PRKAR1B: variants seen among roughly 807,000 people sequenced by gnomAD.
The protein encoded by PRKAR1B is protein kinase cAMP-dependent type I regulatory subunit beta, also known as cAMP-dependent protein kinase type I-beta regulatory subunit.
Under a neutral mutation model 46.5 loss-of-function variants are expected in PRKAR1B, and 22 were observed. The ratio of observed to expected loss-of-function variants is 0.47; its 90% CI spans 0.34 to 0.68. PRKAR1B has a LOEUF of 0.68. Among genes scored for constraint, PRKAR1B ranks in the 30% least tolerant of loss-of-function variants. The probability of loss-of-function intolerance (pLI) is 0.01; values close to 1 mark genes in which losing one functional copy is unlikely to be tolerated. For missense variants in PRKAR1B, 445 were observed against 535.6 expected, an observed-to-expected ratio of 0.83 and a Z score of 1.67; for synonymous variants, 259 against 217.7, an observed-to-expected ratio of 1.19 and a Z score of -1.67.
intron 5 of PRKAR1B, 73 bp from the exon 6 acceptor site, chr7:606,312 G>A (rs1562557472): frequency 1.3e-5 from 19 of 1,454,332 alleles, no homozygotes; most frequent in Admixed American, 1.7e-5. Context: ...TCTTGCAAAC[G>A]ACTTTCGCAA....
chr7:568,728 G>T (rs1562525341), intron 9 of PRKAR1B, among the ~76,000 whole-genome samples: 1 of 152,224 alleles, frequency 6.6e-6, no homozygotes, highest in Non-Finnish European at 1.5e-5. Flanking sequence ...GATGTTCCCA[G>T]CCAAAACATC....
intron 4 of PRKAR1B, among the ~76,000 whole-genome samples, chr7:668,076 G>A (rs559562857): frequency 6.6e-6 from 1 of 152,010 alleles, no homozygotes; most frequent in Non-Finnish European, 1.5e-5. Context: ...TATCTGTCTT[G>A]AACCTGAACT....
intron 4 of PRKAR1B, among the ~76,000 whole-genome samples, chr7:662,605 C>T (rs1785668315): frequency 6.7e-6 from 1 of 150,182 alleles, no homozygotes; most frequent in Non-Finnish European, 1.5e-5. Flanking sequence ...CACAAGTCCC[C>T]ACCCCAACAG....
Position 685,398 on chromosome 7 carries a change from A to ATG in PRKAR1B, c.178-4673_178-4672insCA, listed in dbSNP as rs1554303304. 1.8e-3 allele frequency among the ~76,000 whole-genome samples: 219 copies of ATG among 124,426 alleles called. 31 individuals are homozygous for ATG. The highest frequency in any genetic ancestry group is 7.0e-3 in the African/African-American group (212 of 30,126). The allele number at this position is 124,426 out of a possible 152,430, so 81.6% of individuals were successfully genotyped here. A position where few individuals can be genotyped will look rare whatever the true frequency, so the allele number is the denominator to read the frequency against. On this transcript the variant is annotated intron_variant, in intron 2 of 10. Transcript: ENST00000537384. ...TATATATACATACATATATATATAT[A>ATG]TATGTATATATATACCAAAAACATT...
In PRKAR1B at chr7:560,103, C is replaced by A. The variant is rs1019840478; in HGVS notation, c.892-8633G>T. ...TCTTGAGTTGTAGCTCCCATAATCC[C>A]CACGTGTTGTGGGAGGGACCCAGGG... On this transcript the variant is annotated intron_variant, in intron 9 of 10. Transcript: ENST00000537384. The surrounding 1 kb of genome is among the most constrained non-coding windows in gnomAD (Gnocchi z 4.2). Among the ~76,000 whole-genome samples, 2 of 152,116 alleles carry A rather than the reference C, an allele frequency of 1.3e-5. No individual in the cohort carries two copies. Among genetic ancestry groups the A allele is most frequent in the African/African-American group, 4.8e-5 (2 of 41,392 alleles).
chr7:695,671 GT>G (rs1253366619), intron 2 of PRKAR1B, among the ~76,000 whole-genome samples: 4 of 147,172 alleles, frequency 2.7e-5, no homozygotes, highest in Non-Finnish European at 6.0e-5. Flanking sequence ...TTTGTTTTTT[GT>G]TTTTTTTTTG....
At chr7:617,706 T>C (rs1782906306) in intron 4 of PRKAR1B, among the ~76,000 whole-genome samples, 1 of 152,114 alleles carries the variant, frequency 6.6e-6, no homozygotes, top group African/African-American at 2.4e-5. Context: ...GTTTCCCCCG[T>C]CCTGGCAGGA....
At chr7:637,980 A>G (rs1784211360) in intron 4 of PRKAR1B, among the ~76,000 whole-genome samples, 2 of 152,220 alleles carry the variant, frequency 1.3e-5, no homozygotes. Flanking sequence ...AGTGCATGAC[A>G]TAGAGGAGTG....
At chr7:665,290 C>CA (rs1785841760) in intron 4 of PRKAR1B, among the ~76,000 whole-genome samples, 1 of 152,328 alleles carries the variant, frequency 6.6e-6, no homozygotes, top group African/African-American at 2.4e-5. Flanking sequence ...CAAGCAGCCA[C>CA]ATCCCAGCCA....
At chr7:616,866 C>T (rs906909559) in intron 4 of PRKAR1B, among the ~76,000 whole-genome samples, 3 of 152,160 alleles carry the variant, frequency 2.0e-5, no homozygotes, top group Non-Finnish European at 4.4e-5. Context: ...TGGGGTGAAG[C>T]GCCTCGGGCC....
chr7:679,249 T>C (rs1778520166), intron 3 of PRKAR1B, among the ~76,000 whole-genome samples: 1 of 152,088 alleles, frequency 6.6e-6, no homozygotes, highest in South Asian at 2.1e-4. Context: ...TGACAGACAC[T>C]GAGCTCCACA....
At chr7:595,083 T>A (rs1781195359) in intron 7 of PRKAR1B, among the ~76,000 whole-genome samples, 1 of 152,158 alleles carries the variant, frequency 6.6e-6, no homozygotes, top group Non-Finnish European at 1.5e-5. Context: ...ACAGGGTGCT[T>A]CCTGCAGAAG....
In PRKAR1B at chr7:711,542, C is replaced by T. The variant is rs957925036; in HGVS notation, c.-22-15G>A. On this transcript the variant is annotated splice_polypyrimidine_tract_variant and intron_variant, in intron 1 of 10. Transcript: ENST00000537384. ...CTGCTTCCTTCCTGTCCAGAAAACA[C>T]ACAGATCCCCAGGCCTGAGAGCTGC... The T allele has an allele frequency of 8.1e-6, 13 of 1,605,392 alleles. No homozygotes were observed. The Admixed American group carries it at 1.7e-4, about 21-fold the overall frequency.
In PRKAR1B at chr7:557,675, C is replaced by G. The variant is rs546171112; in HGVS notation, c.892-6205G>C. ...GCAACCACCACGTACCCTCAGTTTC[C>G]GGGAGGCCCAGCTTGAGACGCACCA... On this transcript the variant is annotated intron_variant, in intron 9 of 10. Transcript: ENST00000537384. Among the ~76,000 whole-genome samples, 416 of 152,290 alleles carry G rather than the reference C, an allele frequency of 2.7e-3. 1 individual carries two copies. The highest frequency in any genetic ancestry group is 3.4e-3 in the Non-Finnish European group (234 of 68,028).
intron 1 of PRKAR1B, chr7:716,984 C>T (rs993673248): frequency 1.3e-5 from 2 of 152,144 alleles, no homozygotes; most frequent in Non-Finnish European, 2.9e-5. Context: ...AGCCCAAGAA[C>T]CGTGAACAGT....
At chr7:557,798 T>G (rs1778540389) in intron 9 of PRKAR1B, among the ~76,000 whole-genome samples, 1 of 152,128 alleles carries the variant, frequency 6.6e-6, no homozygotes, top group Non-Finnish European at 1.5e-5. Context: ...TCAGGAGGAT[T>G]GAGAGTCTGG....
intron 4 of PRKAR1B, among the ~76,000 whole-genome samples, chr7:645,315 C>A (rs928082983): frequency 6.6e-6 from 1 of 152,158 alleles, no homozygotes; most frequent in African/African-American, 2.4e-5. Flanking sequence ...TGCAATGCTT[C>A]TAAGATCTCA....
At chr7:554,417 G>A (rs1279178599) in intron 9 of PRKAR1B, among the ~76,000 whole-genome samples, 1 of 152,234 alleles carries the variant, frequency 6.6e-6, no homozygotes, top group African/African-American at 2.4e-5. Context: ...TTCACAGCTG[G>A]GATTATTTTC....
At chr7:711,693 A>C (rs1037689495) in intron 1 of PRKAR1B, among the ~76,000 whole-genome samples, 166 bp from the exon 2 acceptor site, 1 of 152,076 alleles carries the variant, frequency 6.6e-6, no homozygotes, top group Non-Finnish European at 1.5e-5. Context: ...GAGGTGTTAA[A>C]CGTGACGGCC....
Sources: gnomAD v4.1 joint callset for allele counts (sites outside exome capture counted in the v4.1 genomes callset) on GRCh38, gnomAD v4.1.1 for gene constraint, Gnocchi (gnomAD v3.1) non-coding constraint, MANE v1.5 for transcripts, NCBI Gene and HGNC (gene_info 2026-07-23, HGNC 2026-07-21) for gene names.